The following FLACC1 variants were observed in gnomAD, a reference collection of about 807,000 sequenced individuals.
FLACC1 encodes the protein flagellum-associated coiled-coil domain-containing protein 1.
FLACC1 carries 66 observed loss-of-function variants against 62.8 expected under a neutral mutation model. The ratio of observed to expected loss-of-function variants is 1.05; its 90% confidence interval spans 0.86 to 1.29. FLACC1 has a LOEUF of 1.29. FLACC1 is among the 50% of genes most tolerant of loss of function. The pLI, the probability that FLACC1 is intolerant of heterozygous loss-of-function variation, is 0.00. For missense variants in FLACC1, 452 were observed against 489.1 expected (o/e 0.92, Z 0.71); for synonymous variants, 156 against 161.0 (o/e 0.97, Z 0.24).
intron 7 of FLACC1, among the ~76,000 whole-genome samples, chr2:201,332,099 C>T (rs534604045): frequency 9.2e-5 from 14 of 151,836 alleles, no homozygotes; most frequent in Non-Finnish European, 1.8e-4. Flanking sequence ...TGCTGTCTCT[C>T]CACCAGGATT....
At chr2:201,296,133 C>A (rs953294617) in intron 12 of FLACC1, among the ~76,000 whole-genome samples, 10 of 152,062 alleles carry the variant, frequency 6.6e-5, no homozygotes, top group Non-Finnish European at 1.2e-4. Context: ...AACTAGAAAT[C>A]CCATTTGGCC....
chr2:201,299,970 C>A (rs1350472845), intron 11 of FLACC1, among the ~76,000 whole-genome samples: 4 of 152,164 alleles, frequency 2.6e-5, no homozygotes, highest in Non-Finnish European at 5.9e-5. Context: ...AATAGGAACA[C>A]CTCCAGTCTA....
At chr2:201,352,097 C>A (rs1241658526) in intron 1 of FLACC1, 1 of 152,210 alleles carries the variant, frequency 6.6e-6, no homozygotes, top group African/African-American at 2.4e-5. Context: ...AGAGAAGTCA[C>A]GGCGGCAGCA....
At chr2:201,325,529 T>C (rs1335352447) in intron 9 of FLACC1, among the ~76,000 whole-genome samples, 2 of 151,838 alleles carry the variant, frequency 1.3e-5, no homozygotes, top group Non-Finnish European at 2.9e-5. Context: ...CACTTGAGGC[T>C]ACTATGAACG....
intron 12 of FLACC1, among the ~76,000 whole-genome samples, chr2:201,293,815 C>CG (rs1366066499): frequency 2.6e-5 from 3 of 116,454 alleles, no homozygotes; most frequent in Non-Finnish European, 6.6e-5. Context: ...ATCAAATAGA[C>CG]GCAAAAAAAA....
chr2:201,342,561 C>T, intron 6 of FLACC1, 130 bp from the exon 7 acceptor site: 1 of 805,478 alleles, frequency 1.2e-6, no homozygotes, highest in Non-Finnish European at 2.1e-6. Flanking sequence ...GCCCCCTTCC[C>T]ACCCCTCTTC....
At chr2:201,359,831 T>C (rs1485212230), upstream of FLACC1, among the ~76,000 whole-genome samples, 3 of 152,158 alleles carry the variant, frequency 2.0e-5, no homozygotes, top group African/African-American at 4.8e-5. Flanking sequence ...TAGAGAAGAA[T>C]TGATAGACTC....
chr2:201,364,012 A>G, the FLACC1 span, among the ~76,000 whole-genome samples: 1 of 152,082 alleles, frequency 6.6e-6, no homozygotes, highest in African/African-American at 2.4e-5. Flanking sequence ...GGGAGCTCAG[A>G]CCACTATGCA....
upstream of FLACC1, among the ~76,000 whole-genome samples, chr2:201,358,146 G>C (rs190403552): frequency 2.7e-3 from 412 of 152,254 alleles, no homozygotes; most frequent in African/African-American, 9.2e-3. Flanking sequence ...TAGGTGTGGG[G>C]ATATACCTCA....
intron 14 of FLACC1, 40 bp downstream of exon 14, chr2:201,289,417 A>G: frequency 1.9e-6 from 3 of 1,587,792 alleles, no homozygotes; most frequent in Non-Finnish European, 2.6e-6. Flanking sequence ...TCCCACTCCT[A>G]AAGAGAACTC....
chr2:201,332,354 T>C (rs1950611915), intron 7 of FLACC1, among the ~76,000 whole-genome samples: 1 of 152,060 alleles, frequency 6.6e-6, no homozygotes, highest in Admixed American at 6.6e-5. Context: ...GCTCAAGCGA[T>C]TCTCTCACCT....
chr2:201,289,679 C>T lies in FLACC1; in HGVS notation c.1032+17G>A, dbSNP rs1949685784. 1.9e-6 allele frequency: 3 copies of T among 1,612,866 alleles called. No homozygotes were observed. The highest frequency in any genetic ancestry group is 1.1e-5 in the South Asian group (1 of 90,946). On this transcript the variant is annotated intron_variant, in intron 13 of 14. Coordinates refer to ENST00000392257, the MANE Select transcript of FLACC1 (RefSeq NM_001127391.3). Reference sequence around the variant, plus strand: ...GTTCTTCCCCCAACCCCCATCCCCACTCCAGTAGGGACTCACCTCTTTCTG... The same window carrying T: ...GTTCTTCCCCCAACCCCCATCCCCATTCCAGTAGGGACTCACCTCTTTCTG...
chr2:201,296,888 T>C (rs887655629), intron 12 of FLACC1, among the ~76,000 whole-genome samples: 3 of 151,954 alleles, frequency 2.0e-5, no homozygotes, highest in African/African-American at 4.8e-5. Flanking sequence ...TGGGGATGGA[T>C]TGGAAGGGCA....
chr2:201,347,401 C>T (rs932640069), intron 4 of FLACC1, among the ~76,000 whole-genome samples: 2 of 152,164 alleles, frequency 1.3e-5, no homozygotes, highest in Non-Finnish European at 2.9e-5. Context: ...TGGGCTCTGG[C>T]CTCTCTGCCT....
chr2:201,360,269 G>A (rs144775912), upstream of FLACC1, among the ~76,000 whole-genome samples: 37 of 152,318 alleles, frequency 2.4e-4, no homozygotes, highest in African/African-American at 8.9e-4. Flanking sequence ...AACAGAGGTG[G>A]AGGAGGCCAC....
intron 2 of FLACC1, 109 bp downstream of exon 2, chr2:201,351,183 A>T: frequency 1.0e-6 from 1 of 984,184 alleles, no homozygotes; most frequent in Non-Finnish European, 1.5e-6. Flanking sequence ...TTTCTGGCCC[A>T]CCTGGGATTT....
chr2:201,343,287 A>T (rs1026513859), intron 6 of FLACC1, among the ~76,000 whole-genome samples: 1 of 152,228 alleles, frequency 6.6e-6, no homozygotes, highest in Non-Finnish European at 1.5e-5. Context: ...TAAAATGTTC[A>T]TTTTGTCCAA....
At chr2:201,356,404 C>A (rs1488258184) in intron 1 of FLACC1, among the ~76,000 whole-genome samples, 1 of 152,160 alleles carries the variant, frequency 6.6e-6, no homozygotes, top group Non-Finnish European at 1.5e-5. Flanking sequence ...AGGTGATCCA[C>A]CCATCTCAGC....
Position 201,288,846 on chromosome 2 carries a change from G to T in FLACC1, c.1143-65C>A. ...AAGCTAGAAAGGGTATAGGATATTT[G>T]GAGTGCAGGGAGAGAAATGTGCCTT... is the stretch of plus-strand genomic sequence containing the variant. On this transcript the variant is annotated intron_variant, in intron 14 of 14. Coordinates refer to ENST00000392257, the MANE Select transcript of FLACC1 (RefSeq NM_001127391.3). 1.9e-6 allele frequency: 3 copies of T among 1,558,254 alleles called. No homozygotes were observed. The South Asian group carries it at 3.5e-5, about 18-fold the overall frequency.
Sources: allele counts gnomAD v4.1 joint callset (sites outside exome capture counted in the v4.1 genomes callset), GRCh38; gene constraint gnomAD v4.1.1; transcripts MANE v1.5; gene names NCBI Gene and HGNC (gene_info 2026-07-23, HGNC 2026-07-21).